MRPS16: variants seen among roughly 807,000 people sequenced by gnomAD.
The protein encoded by MRPS16 is small ribosomal subunit protein bS16m.
A neutral mutation model predicts 11.0 loss-of-function variants in MRPS16; 5 were observed. That is an observed-to-expected ratio of 0.46 (90% CI 0.24 to 0.96). MRPS16 has a LOEUF of 0.96. Among genes scored for constraint, MRPS16 ranks in the 40% least tolerant of loss-of-function variants. The probability of loss-of-function intolerance (pLI) is 0.20; values close to 1 mark genes in which losing one functional copy is unlikely to be tolerated. For missense variants in MRPS16, 179 were observed against 174.4 expected, an observed-to-expected ratio of 1.03 and a Z score of -0.15; for synonymous variants, 76 against 65.0, an observed-to-expected ratio of 1.17 and a Z score of -0.81.
In MRPS16 at chr10:73,250,323, T is replaced by C. The variant is rs12257322; in HGVS notation, c.*529A>G. On this transcript the variant is annotated 3_prime_UTR_variant, in exon 3 of 3. Transcript: ENST00000372945. ...ACCTCTTGAACCCAGGAGGTGGAGA[T>C]TGCAGTGAGCTGAGATTGCACCACC... is the stretch of plus-strand genomic sequence containing the variant. 0.1 allele frequency: 16,238 copies of C among 156,242 alleles called. 1,249 individuals are homozygous for C. The highest frequency in any genetic ancestry group is 0.3 in the East Asian group (1,549 of 5,184). 9.7% of individuals were successfully genotyped at this position (156,242 alleles called of 1,614,324 possible).
rs749529631 is a variant in MRPS16, at chr10:73,251,737, A to G, written c.274+26T>C. The G allele has an allele frequency of 8.1e-6, 13 of 1,613,912 alleles. No homozygotes were observed. In the African/African-American group the frequency reaches 9.3e-5, roughly 12 times the overall value. ...CTGACTTCAGTTTAAAATCCCCTCAATAAGGTAAGACCAGAGCTGAGTTAC... is the reference window on the plus strand; with the variant it reads ...CTGACTTCAGTTTAAAATCCCCTCAGTAAGGTAAGACCAGAGCTGAGTTAC... On this transcript the variant is annotated intron_variant, in intron 2 of 2. Transcript: ENST00000372945.
rs571041393 is a variant in MRPS16, at chr10:73,249,335, G to C, written c.*1517C>G. On this transcript the variant is annotated 3_prime_UTR_variant, in exon 3 of 3. Transcript: ENST00000372945. ...ACTTGAGACCTAAGAATGGTTGTGA[G>C]TCAAATAAAAAAGTAGAACTAAAGT... is the stretch of plus-strand genomic sequence containing the variant. The C allele has an allele frequency of 2.3e-5, 35 of 1,547,246 alleles. No individual in the cohort carries two copies. The African/African-American group carries it at 4.7e-4, about 21-fold the overall frequency.
chr10:73,250,586 G>A lies in MRPS16; in HGVS notation c.*266C>T. The A allele has an allele frequency of 2.1e-6, 1 of 469,394 alleles. No homozygotes were observed. 29.1% of individuals were successfully genotyped at this position (469,394 alleles called of 1,614,324 possible). ...ATTGTAAAGTTGTCCAAGAGACCCA[G>A]AGCCCAACTCAAAAGTCCAATCCTC... On this transcript the variant is annotated 3_prime_UTR_variant, in exon 3 of 3. Transcript: ENST00000372945.
rs752109281 is a variant in MRPS16 at position 73,250,912 on chromosome 10, G to T, written c.354C>A (p.Val118=). 2 of 1,614,206 alleles carry T rather than the reference G, an allele frequency of 1.2e-6. No homozygotes were observed. Among genetic ancestry groups the T allele is most frequent in the Non-Finnish European group, 1.7e-6 (2 of 1,180,032 alleles). ...ERLRRKRARE[V]LLASQKTDAE... Reference sequence around the variant, plus strand: ...CATCTGTTTTCTGAGAAGCTAACAGGACTTCACGTGCCCGTTTCCTTCGCA... The same window carrying T: ...CATCTGTTTTCTGAGAAGCTAACAGTACTTCACGTGCCCGTTTCCTTCGCA... Residue 118 remains valine, a synonymous_variant, in exon 3 of 3, where the codon GTC becomes GTA. Transcript: ENST00000372945.
At position 73,251,697 on chromosome 10, in the gene MRPS16, C is replaced by T. The variant is rs117301007; in HGVS notation, c.274+66G>A. 19,725 of 1,608,014 alleles carry T rather than the reference C, an allele frequency of 0.012. 171 individuals carry two copies. Among genetic ancestry groups the T allele is most frequent in the Non-Finnish European group, 0.015 (17,708 of 1,176,290 alleles). On this transcript the variant is annotated intron_variant, in intron 2 of 2. Transcript: ENST00000372945. ...TGCCCAGCCGAAAATCATTCTTACA[C>T]CTACTGTCCTGGAGCTGACTTCAGT...
rs555987646 is a variant in MRPS16 at position 73,251,688 on chromosome 10, A to T, written c.274+75T>A. The T allele has an allele frequency of 5.2e-5, 84 of 1,605,242 alleles. 1 individual carries two copies. In the South Asian group the frequency reaches 8.4e-4, roughly 16 times the overall value. Reference sequence around the variant, plus strand: ...GAGCCACCGTGCCCAGCCGAAAATCATTCTTACACCTACTGTCCTGGAGCT... The same window carrying T: ...GAGCCACCGTGCCCAGCCGAAAATCTTTCTTACACCTACTGTCCTGGAGCT... On this transcript the variant is annotated intron_variant, in intron 2 of 2. Transcript: ENST00000372945.
In MRPS16 at chr10:73,251,940, G is replaced by A; in HGVS notation, c.97C>T (p.Arg33Cys). ...LGGCTNRPFY[R>C]IVAAHNKCPR... is the part of the protein sequence containing the mutation. The stretch of plus-strand genomic sequence containing the variant: ...CACTTGTTGTGAGCAGCCACAATGC[G>A]GTAGAACGGCCGATTGGTGCAGCCA... Residue 33 changes from arginine (R) to cysteine (C), a missense_variant, in exon 2 of 3, where the codon CGC (arginine) becomes TGC (cysteine). By Grantham distance (180) the Arg-to-Cys change is radical. Coordinates refer to ENST00000372945, the MANE Select transcript of MRPS16 (RefSeq NM_016065.4). 1.2e-6 allele frequency: 2 copies of A among 1,614,202 alleles called. No homozygotes were observed. The highest frequency in any genetic ancestry group is 1.7e-6 in the Non-Finnish European group (2 of 1,180,038).
At chr10:73,251,059 T>G in intron 2 of MRPS16, 68 bp from the exon 3 acceptor site, 1 of 1,577,694 alleles carries the variant, frequency 6.3e-7, no homozygotes, top group Non-Finnish European at 8.7e-7. Flanking sequence ...GAACTCTGTC[T>G]CACAGAACTG....
rs1589210349 is a variant in MRPS16 at position 73,250,615 on chromosome 10, T to C, written c.*237A>G. The C allele has an allele frequency of 3.9e-6, 2 of 518,328 alleles. No individual in the cohort carries two copies. The highest frequency in any genetic ancestry group is 6.9e-6 in the Non-Finnish European group (2 of 288,298). The allele number at this position is 518,328 out of a possible 1,614,324, so 32.1% of individuals were successfully genotyped here. On this transcript the variant is annotated 3_prime_UTR_variant, in exon 3 of 3. Coordinates refer to ENST00000372945, the MANE Select transcript of MRPS16 (RefSeq NM_016065.4). ...CCAACTCAAAAGTCCAATCCTCCCATAGCCACTGTCTATCCCAAGACAAAG... is the reference window on the plus strand; with the variant it reads ...CCAACTCAAAAGTCCAATCCTCCCACAGCCACTGTCTATCCCAAGACAAAG...
At chr10:73,252,057 C>T (rs1381870101) in intron 1 of MRPS16, 34 bp from the exon 2 acceptor site, 4 of 1,603,146 alleles carry the variant, frequency 2.5e-6, no homozygotes, top group Non-Finnish European at 1.7e-6. Context: ...ACACAAAAAA[C>T]AGCACAAAAA....
At position 73,250,400 on chromosome 10, in the gene MRPS16, A is replaced by G. The variant is rs75554141; in HGVS notation, c.*452T>C. The G allele has an allele frequency of 8.0e-5, 14 of 174,984 alleles. No homozygotes were observed. Among genetic ancestry groups the G allele is most frequent in the East Asian group, 3.1e-4 (2 of 6,382 alleles). The allele number at this position is 174,984 out of a possible 1,614,324, so 10.8% of individuals were successfully genotyped here. A position where few individuals can be genotyped will look rare whatever the true frequency, so the allele number is the denominator to read the frequency against. The stretch of plus-strand genomic sequence containing the variant: ...ACTCCGTCTCAAAAAAAAAAAAAAA[A>G]AGAGAATATGCATTAGGCAAGACAA... On this transcript the variant is annotated 3_prime_UTR_variant, in exon 3 of 3. Coordinates refer to ENST00000372945, the MANE Select transcript of MRPS16 (RefSeq NM_016065.4).
chr10:73,251,348 CT>C (rs2044091030), intron 2 of MRPS16, among the ~76,000 whole-genome samples: 1 of 152,088 alleles, frequency 6.6e-6, no homozygotes, highest in Admixed American at 6.5e-5. Flanking sequence ...CACTTCAGTC[CT>C]GAACAGCCTA....
chr10:73,252,238 C>T, intron 1 of MRPS16: 1 of 999,712 alleles, frequency 1.0e-6, no homozygotes, highest in Admixed American at 2.1e-5. Flanking sequence ...CATGGGCTTG[C>T]CATTCACTAG....
rs1049176439 is a variant in MRPS16 at position 73,252,008 on chromosome 10, T to C, written c.29A>G (p.Lys10Arg). 6 of 1,613,778 alleles carry C rather than the reference T, an allele frequency of 3.7e-6. No individual in the cohort carries two copies. In the Admixed American group the frequency reaches 8.3e-5, roughly 22 times the overall value. Residue 10 changes from lysine to arginine, a missense_variant, in exon 2 of 3, where the codon AAG (lysine) becomes AGG (arginine). Transcript: ENST00000372945. ...GGTTAAGTGGCCCCCACGGTAGGCC[T>C]TGCAGAGGAGAGTAGCTGTAGAAAA... MVHLTTLLC[K>R]AYRGGHLTIR... is the part of the protein sequence containing the mutation.
Position 73,250,694 on chromosome 10 carries a change from T to TCTCTCCCTGGGCCC in MRPS16, c.*144_*157dup, listed in dbSNP as rs1186088811. 1.0e-5 allele frequency: 10 copies of TCTCTCCCTGGGCCC among 962,584 alleles called. No individual in the cohort carries two copies. The East Asian group carries it at 1.9e-4, about 19-fold the overall frequency. 59.6% of individuals were successfully genotyped at this position (962,584 alleles called of 1,614,324 possible). On this transcript the variant is annotated 3_prime_UTR_variant, in exon 3 of 3. Coordinates refer to ENST00000372945, the MANE Select transcript of MRPS16 (RefSeq NM_016065.4). ...CAGCTCTAAGTCACACAAGAACAAATCTCTCCCTGGGCCCTGTGCAGGCCA... is the reference window on the plus strand; with the variant it reads ...CAGCTCTAAGTCACACAAGAACAAATCTCTCCCTGGGCCCCTCTCCCTGGGCCCTGTGCAGGCCA...
chr10:73,251,453 G>C (rs1564726641), intron 2 of MRPS16, among the ~76,000 whole-genome samples: 1 of 151,806 alleles, frequency 6.6e-6, no homozygotes, highest in Non-Finnish European at 1.5e-5. Context: ...TTGGCTCACT[G>C]CAACCTCCGC....
chr10:73,252,517 G>C lies in MRPS16; in HGVS notation c.-35C>G. ...GGCGTGCGGCTCCTCGGAGAGCCCC[G>C]CTACCCGCACGCACCAGCTCTACGG... is the stretch of plus-strand genomic sequence containing the variant. On this transcript the variant is annotated 5_prime_UTR_variant, in exon 1 of 3. Coordinates refer to ENST00000372945, the MANE Select transcript of MRPS16 (RefSeq NM_016065.4). 1.2e-6 allele frequency: 2 copies of C among 1,604,294 alleles called. No homozygotes were observed. Among genetic ancestry groups the C allele is most frequent in the Non-Finnish European group, 1.7e-6 (2 of 1,179,286 alleles).
rs865835072 is a variant in MRPS16, at chr10:73,252,586, G to A, written c.-104C>T. The A allele has an allele frequency of 1.9e-5, 28 of 1,504,942 alleles. No individual in the cohort carries two copies. Among genetic ancestry groups the A allele is most frequent in the Middle Eastern group, 1.7e-4 (1 of 5,896 alleles). 93.2% of individuals were successfully genotyped at this position (1,504,942 alleles called of 1,614,324 possible). ...CAAACACAGAAAGAACCTGCAAGCC[G>A]ACACCAGGCCGCACCGCCAAGCGGT... On this transcript the variant is annotated 5_prime_UTR_variant, in exon 1 of 3. Coordinates refer to ENST00000372945, the MANE Select transcript of MRPS16 (RefSeq NM_016065.4).
chr10:73,252,634 C>A lies in MRPS16; in HGVS notation c.-152G>T. On this transcript the variant is annotated 5_prime_UTR_variant, in exon 1 of 3. Coordinates refer to ENST00000372945, the MANE Select transcript of MRPS16 (RefSeq NM_016065.4). Reference sequence around the variant, plus strand: ...GGTACAAGCCCGAAAACCTCGACTCCGGAAGCGGATGATCCGCTCGCCACG... The same window carrying A: ...GGTACAAGCCCGAAAACCTCGACTCAGGAAGCGGATGATCCGCTCGCCACG... 6.3e-6 allele frequency: 7 copies of A among 1,115,946 alleles called. No homozygotes were observed. The highest frequency in any genetic ancestry group is 9.0e-6 in the Non-Finnish European group (7 of 774,186). The allele number at this position is 1,115,946 out of a possible 1,614,324, so 69.1% of individuals were successfully genotyped here.
Sources: gnomAD v4.1 joint callset for allele counts (sites outside exome capture counted in the v4.1 genomes callset) on GRCh38, gnomAD v4.1.1 for gene constraint, MANE v1.5 for transcripts, NCBI Gene and HGNC (gene_info 2026-07-23, HGNC 2026-07-21) for gene names.